Variants in DENND1B observed in about 807,000 individuals in gnomAD.
The protein encoded by DENND1B is DENN domain-containing protein 1B.
DENND1B carries 59 observed loss-of-function variants against 90.1 expected under a neutral mutation model. That is an observed-to-expected ratio of 0.65 (90% CI 0.53 to 0.81). The LOEUF (loss-of-function observed/expected upper bound fraction) is 0.81, where lower values mean the gene tolerates loss of function less well. Ranked by LOEUF, DENND1B falls within the 40% of genes least tolerant of loss-of-function variation. The pLI is 0.00. For synonymous variants in DENND1B, 337 were observed against 324.6 expected (o/e 1.04, Z -0.41); for missense variants, 862 against 912.6 (o/e 0.94, Z 0.71).
In DENND1B at chr1:197,540,964, G is replaced by A; in HGVS notation, c.1402C>T (p.His468Tyr). 1.2e-6 allele frequency: 2 copies of A among 1,611,742 alleles called. No homozygotes were observed. Among genetic ancestry groups the A allele is most frequent in the South Asian group, 2.2e-5 (2 of 90,720 alleles). ...GLKEVKSKLK[H>Y]KENEEDYGTC... ...AAAAAATGAATATGACATACCTTGT[G>A]TTTTAGTTTACTCTTCACTTCCTTT... is the stretch of plus-strand genomic sequence containing the variant. Residue 468 changes from histidine (H) to tyrosine (Y), a missense_variant, in exon 19 of 23, where the codon CAC becomes TAC. Coordinates refer to ENST00000620048, the MANE Select transcript of DENND1B (RefSeq NM_001195215.2).
At chr1:197,544,921 A>G (rs1670641356) in intron 18 of DENND1B, among the ~76,000 whole-genome samples, 7 of 1,268 alleles carry the variant, frequency 5.5e-3, no homozygotes, top group Admixed American at 0.054. Context: ...GAAAAGAAGA[A>G]GAAAAGAGAA....
At chr1:197,733,063 T>C (rs1448723271) in intron 2 of DENND1B, among the ~76,000 whole-genome samples, 3 of 152,054 alleles carry the variant, frequency 2.0e-5, no homozygotes, top group African/African-American at 4.8e-5. Flanking sequence ...ACAAGGAAAT[T>C]GGGGAAAAAA....
At chr1:197,707,591 C>T (rs568478083) in intron 3 of DENND1B, among the ~76,000 whole-genome samples, 27 of 146,200 alleles carry the variant, frequency 1.8e-4, no homozygotes, top group Admixed American at 1.7e-3. Flanking sequence ...TATTTATATA[C>T]ATATATTATA....
At chr1:197,601,690 T>C (rs1424851385) in intron 13 of DENND1B, among the ~76,000 whole-genome samples, 1 of 151,610 alleles carries the variant, frequency 6.6e-6, no homozygotes, top group African/African-American at 2.4e-5. Flanking sequence ...AACTTTAGAA[T>C]GGCAGAAGTA....
At chr1:197,643,591 C>T (rs945778544) in intron 9 of DENND1B, among the ~76,000 whole-genome samples, 16 of 152,178 alleles carry the variant, frequency 1.1e-4, no homozygotes, top group African/African-American at 1.2e-4. Flanking sequence ...TCATCTGATA[C>T]GACACAGCAT....
intron 2 of DENND1B, among the ~76,000 whole-genome samples, chr1:197,729,907 T>C (rs1390976134): frequency 6.6e-6 from 1 of 152,086 alleles, no homozygotes; most frequent in African/African-American, 2.4e-5. Flanking sequence ...CTTCATCATG[T>C]CCTGAAGCCT....
chr1:197,578,443 C>T (rs1336053480), intron 15 of DENND1B, among the ~76,000 whole-genome samples: 1 of 152,066 alleles, frequency 6.6e-6, no homozygotes, highest in African/African-American at 2.4e-5. Context: ...CGGGGTTTCA[C>T]CATGTTGGCC....
intron 20 of DENND1B, among the ~76,000 whole-genome samples, chr1:197,538,053 T>A (rs1262683306): frequency 6.6e-6 from 1 of 152,086 alleles, no homozygotes; most frequent in Non-Finnish European, 1.5e-5. Flanking sequence ...TTAATTAAAA[T>A]ATGAGGAGCT....
intron 2 of DENND1B, chr1:197,736,190 C>G: frequency 2.2e-6 from 1 of 461,442 alleles, no homozygotes; most frequent in Non-Finnish European, 4.0e-6. Flanking sequence ...GCAAAACAAC[C>G]CACTCTTTTG....
chr1:197,543,132 A>C (rs1670466564), intron 18 of DENND1B, among the ~76,000 whole-genome samples: 1 of 152,038 alleles, frequency 6.6e-6, no homozygotes, highest in Non-Finnish European at 1.5e-5. Context: ...ATGGGGTTTC[A>C]CCATGTTGGC....
At chr1:197,589,725 C>G (rs1359821130) in intron 14 of DENND1B, among the ~76,000 whole-genome samples, 2 of 152,130 alleles carry the variant, frequency 1.3e-5, no homozygotes, top group Non-Finnish European at 2.9e-5. Flanking sequence ...ATAACTCCTC[C>G]ACCTTGTCAA....
chr1:197,582,410 C>T (rs1674323543), intron 15 of DENND1B, among the ~76,000 whole-genome samples: 1 of 152,112 alleles, frequency 6.6e-6, no homozygotes, highest in African/African-American at 2.4e-5. Flanking sequence ...GTTTATGACA[C>T]ACAGTAGGTC....
intron 15 of DENND1B, among the ~76,000 whole-genome samples, chr1:197,578,658 A>G (rs2125759698): frequency 6.6e-6 from 1 of 152,328 alleles, no homozygotes; most frequent in East Asian, 1.9e-4. Context: ...AAAACATCAC[A>G]TTGTACCCCA....
At chr1:197,714,906 A>T (rs1311615277) in intron 3 of DENND1B, 125 bp downstream of exon 3, 6 of 731,812 alleles carry the variant, frequency 8.2e-6, no homozygotes, top group African/African-American at 5.4e-5. Flanking sequence ...CTCACAGTTG[A>T]TCAAGAGAAA....
chr1:197,741,233 T>C lies in DENND1B; in HGVS notation c.83-26159A>G, dbSNP rs181987237. The stretch of plus-strand genomic sequence containing the variant: ...TGCCAGAGTCCTCTCACTGAAGCAG[T>C]AGTACTTCTGACATATCCCAAGATA... On this transcript the variant is annotated intron_variant, in intron 2 of 22. Coordinates refer to ENST00000620048, the MANE Select transcript of DENND1B (RefSeq NM_001195215.2). Among the ~76,000 whole-genome samples, 660 of 152,248 alleles carry C rather than the reference T, an allele frequency of 4.3e-3. 9 individuals are homozygous for C. Among genetic ancestry groups the C allele is most frequent in the African/African-American group, 0.015 (618 of 41,558 alleles).
At chr1:197,609,932 TG>T (rs1313215336) in intron 12 of DENND1B, among the ~76,000 whole-genome samples, 1 of 150,712 alleles carries the variant, frequency 6.6e-6, no homozygotes, top group African/African-American at 2.4e-5. Flanking sequence ...GAGACCATTT[TG>T]GTAAAATTAA....
At position 197,735,708 on chromosome 1, in the gene DENND1B, G is replaced by C. The variant is rs555292553; in HGVS notation, c.83-20634C>G. On this transcript the variant is annotated intron_variant, in intron 2 of 22. Coordinates refer to ENST00000620048, the MANE Select transcript of DENND1B (RefSeq NM_001195215.2). ...ACACGGGAGGCGCTACGCCAGGACC[G>C]ACAGGAAAGTTTTCCAGTTTCTTAA... 15 of 1,613,786 alleles carry C rather than the reference G, an allele frequency of 9.3e-6. No homozygotes were observed. The African/African-American group carries it at 1.6e-4, about 17-fold the overall frequency.
intron 5 of DENND1B, among the ~76,000 whole-genome samples, chr1:197,661,543 G>A (rs1654407636): frequency 6.6e-6 from 1 of 152,060 alleles, no homozygotes; most frequent in Admixed American, 6.6e-5. Context: ...CTCTCAAGGA[G>A]CTTTAGATAA....
At chr1:197,548,245 G>T (rs1040682509) in intron 16 of DENND1B, among the ~76,000 whole-genome samples, 2 of 152,138 alleles carry the variant, frequency 1.3e-5, no homozygotes, top group Admixed American at 1.3e-4. Flanking sequence ...TATTTGAACT[G>T]TACTTTTCTA....
Sources: allele counts gnomAD v4.1 joint callset (sites outside exome capture counted in the v4.1 genomes callset), GRCh38; gene constraint gnomAD v4.1.1; transcripts MANE v1.5; gene names NCBI Gene and HGNC (gene_info 2026-07-23, HGNC 2026-07-21).